RIMS2: variants seen among roughly 807,000 people sequenced by gnomAD.
RIMS2 encodes the protein regulating synaptic membrane exocytosis protein 2.
In RIMS2, 59 loss-of-function variants were observed where a neutral mutation model predicts 174.4. That is an observed-to-expected ratio of 0.34 (90% CI 0.27 to 0.42). The LOEUF is 0.42. Ranked by LOEUF, RIMS2 falls within the 10% of genes least tolerant of loss-of-function variation. The pLI is 1.00. For synonymous variants in RIMS2, 606 were observed against 572.5 expected (o/e 1.06, Z -0.84); for missense variants, 1,620 against 1,666.3 (o/e 0.97, Z 0.48).
chr8:104,155,435 A>C (rs1186277358), intron 19 of RIMS2, among the ~76,000 whole-genome samples: 1 of 109,154 alleles, frequency 9.2e-6, no homozygotes, highest in Non-Finnish European at 1.8e-5. Context: ...TTTTTCTGAG[A>C]CAGAGTCTTG....
chr8:104,007,591 G>A (rs1237235447), intron 17 of RIMS2, among the ~76,000 whole-genome samples: 7 of 151,938 alleles, frequency 4.6e-5, no homozygotes, highest in African/African-American at 1.7e-4. Flanking sequence ...TTTTACTACA[G>A]TCTTTACCAT....
intron 4 of RIMS2, among the ~76,000 whole-genome samples, chr8:103,895,694 G>A (rs1231788422): frequency 6.6e-6 from 1 of 151,412 alleles, no homozygotes; most frequent in Non-Finnish European, 1.5e-5. Context: ...ATAATTTTTG[G>A]TTGAAAATTG....
chr8:103,713,673 A>G (rs1156347145), intron 2 of RIMS2, among the ~76,000 whole-genome samples: 1 of 152,192 alleles, frequency 6.6e-6, no homozygotes, highest in Non-Finnish European at 1.5e-5. Context: ...TGTTAATCAC[A>G]TCCTTCAAAT....
chr8:103,759,637 C>T (rs1280733788), intron 2 of RIMS2, among the ~76,000 whole-genome samples: 1 of 149,492 alleles, frequency 6.7e-6, no homozygotes, highest in Non-Finnish European at 1.5e-5. Context: ...ACTTCCAGAA[C>T]TGTCCTTTGT....
In RIMS2 at chr8:103,871,849, C is replaced by T. The variant is rs1383400224; in HGVS notation, c.699-13449C>T. On this transcript the variant is annotated intron_variant, in intron 3 of 23. Transcript: ENST00000504942. ...AACTCTGTAGTTGTAATGCCAAGAA[C>T]GAATTCTTTCTTTCTCTCCTACTGT... Among the ~76,000 whole-genome samples the T allele has an allele frequency of 2.6e-5, 4 of 152,088 alleles. No individual in the cohort carries two copies. The East Asian group carries it at 7.7e-4, about 29-fold the overall frequency.
chr8:103,540,213 C>T (rs1841879242), intron 1 of RIMS2, among the ~76,000 whole-genome samples: 1 of 152,214 alleles, frequency 6.6e-6, no homozygotes, highest in Non-Finnish European at 1.5e-5. Context: ...CTGTTGCCAC[C>T]ACCAACATGA....
At chr8:104,230,805 T>C (rs1395454737) in intron 19 of RIMS2, among the ~76,000 whole-genome samples, 1 of 152,204 alleles carries the variant, frequency 6.6e-6, no homozygotes, top group Non-Finnish European at 1.5e-5. Flanking sequence ...AAAGCTTATC[T>C]ATCTATAAAA....
At position 104,065,835 on chromosome 8, in the gene RIMS2, T is replaced by C. The variant is rs141020099; in HGVS notation, c.3334+51220T>C. 3.7e-3 allele frequency among the ~76,000 whole-genome samples: 567 copies of C among 152,266 alleles called. 4 individuals carry two copies. The highest frequency in any genetic ancestry group is 9.9e-3 in the African/African-American group (413 of 41,574). Reference sequence around the variant, plus strand: ...CTGGAGATGAGAGATTTGTTTGAGATTGTAATTTAATTGATGACATATTTA... The same window carrying C: ...CTGGAGATGAGAGATTTGTTTGAGACTGTAATTTAATTGATGACATATTTA... On this transcript the variant is annotated intron_variant, in intron 19 of 23. Transcript: ENST00000504942.
At chr8:103,615,629 C>G (rs542553641) in intron 1 of RIMS2, among the ~76,000 whole-genome samples, 2 of 151,846 alleles carry the variant, frequency 1.3e-5, no homozygotes, top group Admixed American at 6.6e-5. Flanking sequence ...AGGCCACTAG[C>G]TAGACTAATA....
intron 1 of RIMS2, among the ~76,000 whole-genome samples, chr8:103,644,085 C>T (rs56378194): frequency 0.06 from 9,086 of 151,834 alleles, 906 homozygotes; most frequent in African/African-American, 0.2. Context: ...CGAGAGAACC[C>T]GGTGGAGCTT....
intron 14 of RIMS2, 96 bp from the exon 17 acceptor site, chr8:103,960,969 T>G (rs1181061158): frequency 2.7e-6 from 2 of 743,218 alleles, no homozygotes; most frequent in African/African-American, 1.8e-5. Flanking sequence ...ATTAACTGAT[T>G]CACTCAGAAT....
At chr8:104,100,905 TTATATGTAATATATTA>T (rs1437539233) in intron 19 of RIMS2, among the ~76,000 whole-genome samples, 2 of 140,082 alleles carry the variant, frequency 1.4e-5, no homozygotes, top group African/African-American at 2.6e-5. Flanking sequence ...ATGTTATATA[TTATATGTAATATATTA>T]TATATGTGAT....
At chr8:103,633,183 C>T (rs1441552162) in intron 1 of RIMS2, among the ~76,000 whole-genome samples, 11 of 139,944 alleles carry the variant, frequency 7.9e-5, no homozygotes, top group African/African-American at 1.1e-4. Context: ...TGTGCCACCA[C>T]GCCCGGCTAT....
intron 19 of RIMS2, among the ~76,000 whole-genome samples, chr8:104,082,282 T>A (rs1280386889): frequency 6.6e-6 from 1 of 152,086 alleles, no homozygotes; most frequent in African/African-American, 2.4e-5. Flanking sequence ...GGCTAGCATA[T>A]CCTTTCAATC....
At chr8:103,564,362 G>T (rs571035802) in intron 1 of RIMS2, among the ~76,000 whole-genome samples, 5 of 152,210 alleles carry the variant, frequency 3.3e-5, no homozygotes, top group African/African-American at 9.6e-5. Flanking sequence ...TTCTCTAGAG[G>T]AACAGAACTA....
At chr8:103,648,338 T>A (rs1401894815) in intron 1 of RIMS2, among the ~76,000 whole-genome samples, 1 of 152,144 alleles carries the variant, frequency 6.6e-6, no homozygotes, top group Non-Finnish European at 1.5e-5. Flanking sequence ...TTACTTCAGA[T>A]TATGTGATAA....
At chr8:103,606,828 G>A (rs1174193910) in intron 1 of RIMS2, among the ~76,000 whole-genome samples, 3 of 151,330 alleles carry the variant, frequency 2.0e-5, no homozygotes, top group Admixed American at 6.6e-5. Context: ...TGCAACCCCT[G>A]CCTTTTTTTG....
At chr8:104,125,737 T>C (rs182240049) in intron 19 of RIMS2, among the ~76,000 whole-genome samples, 1 of 152,302 alleles carries the variant, frequency 6.6e-6, no homozygotes, top group East Asian at 1.9e-4. Context: ...AAGAATTGAC[T>C]ACCTGTTCTT....
chr8:103,986,303 T>G (rs186953515), intron 16 of RIMS2, among the ~76,000 whole-genome samples: 4 of 151,572 alleles, frequency 2.6e-5, no homozygotes, highest in Admixed American at 1.3e-4. Context: ...CCTGAAAAAA[T>G]GTGAAGGATG....
Sources: allele counts gnomAD v4.1 joint callset (sites outside exome capture counted in the v4.1 genomes callset), GRCh38; gene constraint gnomAD v4.1.1; transcripts MANE v1.5; gene names NCBI Gene and HGNC (gene_info 2026-07-23, HGNC 2026-07-21).